ARID5B: variants seen among roughly 807,000 people sequenced by gnomAD.
ARID5B encodes AT-rich interactive domain-containing protein 5B.
Under a neutral mutation model 97.2 loss-of-function variants are expected in ARID5B, and 13 were observed. The ratio of observed to expected loss-of-function variants is 0.13; its 90% confidence interval spans 0.09 to 0.21. The LOEUF is 0.21. ARID5B is among the 10% of genes least tolerant of loss of function. The probability of loss-of-function intolerance (pLI) is 1.00; values close to 1 mark genes in which losing one functional copy is unlikely to be tolerated. For missense variants in ARID5B, 1,210 were observed against 1,465.3 expected, an observed-to-expected ratio of 0.83 and a Z score of 2.84; for synonymous variants, 556 against 570.3, an observed-to-expected ratio of 0.97 and a Z score of 0.36.
In ARID5B at chr10:62,086,709, A is replaced by AAAAAAAAAAC. The variant is rs778821864; in HGVS notation, c.1398+812_1398+813insAAAAAACAAA. ...CCATCTCAAAAAAAAAAAAAAAAAA[A>AAAAAAAAAAC]AAATATCAGGCATGGTGGTGCCCCG... On this transcript the variant is annotated intron_variant, in intron 9 of 9. Coordinates refer to ENST00000279873, the MANE Select transcript of ARID5B (RefSeq NM_032199.3). Among the ~76,000 whole-genome samples the AAAAAAAAAAC allele has an allele frequency of 2.5e-4, 28 of 114,036 alleles. 1 individual carries two copies. Among genetic ancestry groups the AAAAAAAAAAC allele is most frequent in the Non-Finnish European group, 3.4e-4 (19 of 55,496 alleles). 74.8% of individuals were successfully genotyped at this position (114,036 alleles called of 152,430 possible).
chr10:61,917,302 T>A (rs1843926703), intron 2 of ARID5B, among the ~76,000 whole-genome samples: 2 of 152,140 alleles, frequency 1.3e-5, no homozygotes, highest in Non-Finnish European at 2.9e-5. Context: ...GATTTTCATG[T>A]GATTTTAGTT....
intron 8 of ARID5B, among the ~76,000 whole-genome samples, chr10:62,085,394 C>T (rs1008302803): frequency 6.6e-6 from 1 of 152,192 alleles, no homozygotes; most frequent in African/African-American, 2.4e-5. Context: ...TTTGTTAGCA[C>T]TTAGCCAGGT....
intron 4 of ARID5B, among the ~76,000 whole-genome samples, chr10:62,032,391 A>G (rs1302832169): frequency 2.0e-5 from 3 of 152,156 alleles, no homozygotes; most frequent in Non-Finnish European, 4.4e-5. Context: ...TGCTACCCCA[A>G]CTGGACTAGC....
intron 3 of ARID5B, among the ~76,000 whole-genome samples, chr10:61,958,340 A>G (rs370275673): frequency 1.3e-5 from 2 of 151,890 alleles, no homozygotes; most frequent in Admixed American, 6.6e-5. Flanking sequence ...AGCAATTTTT[A>G]TCCTCAGCCT....
At chr10:62,038,777 CTT>C (rs963893731) in intron 4 of ARID5B, among the ~76,000 whole-genome samples, 4 of 152,166 alleles carry the variant, frequency 2.6e-5, no homozygotes, top group Non-Finnish European at 5.9e-5. Context: ...GGAGTAAACT[CTT>C]TTGTTAGTTT....
intron 4 of ARID5B, among the ~76,000 whole-genome samples, chr10:62,041,442 T>C (rs1369587259): frequency 6.6e-6 from 1 of 152,202 alleles, no homozygotes; most frequent in Non-Finnish European, 1.5e-5. Flanking sequence ...AGTAAAAGAC[T>C]ATCCTACTAT....
At chr10:61,932,131 C>A (rs1247856152) in intron 2 of ARID5B, among the ~76,000 whole-genome samples, 1 of 152,144 alleles carries the variant, frequency 6.6e-6, no homozygotes, top group Non-Finnish European at 1.5e-5. Context: ...AGTCACATGA[C>A]TGTTTTGGTT....
At chr10:62,055,612 C>T (rs990036535) in intron 5 of ARID5B, among the ~76,000 whole-genome samples, 1 of 152,138 alleles carries the variant, frequency 6.6e-6, no homozygotes, top group Admixed American at 6.6e-5. Context: ...GGGATGTTCG[C>T]CTTCATATAA....
At chr10:61,920,789 G>T (rs1305157791) in intron 2 of ARID5B, among the ~76,000 whole-genome samples, 1 of 152,066 alleles carries the variant, frequency 6.6e-6, no homozygotes, top group African/African-American at 2.4e-5. Context: ...ATGTACCAGG[G>T]TACTATGGGG....
chr10:62,026,075 T>C (rs997237751), intron 4 of ARID5B, among the ~76,000 whole-genome samples: 37 of 152,354 alleles, frequency 2.4e-4, no homozygotes, highest in African/African-American at 8.4e-4. Context: ...TACCACCCTC[T>C]TTCACTCTTT....
chr10:61,962,029 G>A (rs903680293), intron 3 of ARID5B, among the ~76,000 whole-genome samples: 5 of 152,216 alleles, frequency 3.3e-5, no homozygotes, highest in Non-Finnish European at 5.9e-5. Flanking sequence ...GATTACAGGC[G>A]TGAGCCATCG....
chr10:61,930,701 C>T (rs572111476), intron 2 of ARID5B, among the ~76,000 whole-genome samples: 1 of 124,928 alleles, frequency 8.0e-6, no homozygotes, highest in East Asian at 2.1e-4. Flanking sequence ...GCCTGGGCGA[C>T]AGAGCGAGAC....
chr10:61,952,497 C>T (rs1203370803), intron 3 of ARID5B, among the ~76,000 whole-genome samples: 1 of 152,230 alleles, frequency 6.6e-6, no homozygotes, highest in Non-Finnish European at 1.5e-5. Flanking sequence ...TGTTAGCACT[C>T]AGACATCAAA....
chr10:61,999,796 G>A (rs1254691808), intron 3 of ARID5B, among the ~76,000 whole-genome samples: 2 of 152,092 alleles, frequency 1.3e-5, no homozygotes, highest in East Asian at 1.9e-4. Flanking sequence ...TTTCAAAACA[G>A]TTTTTGGGTC....
At position 61,940,248 on chromosome 10, in the gene ARID5B, T is replaced by G. The variant is rs200756363; in HGVS notation, c.342T>G (p.His114Gln). The part of the protein sequence containing the change: ...VKLEDLVKWV[H>Q]SDFSKWRCGF... ...TTGAAGACCTGGTCAAGTGGGTACA[T>G]TCTGATTTCTCCAAGTGGAGATGTG... The change falls in exon 3 of 10, where the codon CAT becomes CAG. Residue 114 changes from histidine (H) to glutamine (Q), a missense_variant. By Grantham distance (24) the His-to-Gln change is conservative (BLOSUM62 0). Coordinates refer to ENST00000279873, the MANE Select transcript of ARID5B (RefSeq NM_032199.3). 7.5e-5 allele frequency: 121 copies of G among 1,614,112 alleles called. No homozygotes were observed. The highest frequency in any genetic ancestry group is 4.4e-5 in the Non-Finnish European group (52 of 1,180,038).
At chr10:61,963,809 A>G (rs1222548146) in intron 3 of ARID5B, among the ~76,000 whole-genome samples, 2 of 151,718 alleles carry the variant, frequency 1.3e-5, no homozygotes, top group African/African-American at 2.4e-5. Flanking sequence ...TGCAGTTACT[A>G]TAGTTGTACC....
chr10:61,933,214 A>G (rs1844243575), intron 2 of ARID5B, among the ~76,000 whole-genome samples: 1 of 152,258 alleles, frequency 6.6e-6, no homozygotes, highest in South Asian at 2.1e-4. Context: ...ATGAGATTGC[A>G]GCAATTCATT....
At chr10:62,002,406 C>A (rs760158622) in intron 4 of ARID5B, among the ~76,000 whole-genome samples, 82 of 152,088 alleles carry the variant, frequency 5.4e-4, no homozygotes, top group Non-Finnish European at 1.1e-3. Flanking sequence ...AATAAAGGTA[C>A]CTTTAGAGAC....
chr10:61,970,972 A>AGTGTGTGTGTGT (rs55961997), intron 3 of ARID5B, among the ~76,000 whole-genome samples: 47 of 150,308 alleles, frequency 3.1e-4, no homozygotes, highest in African/African-American at 1.0e-3. Flanking sequence ...TTGCTTTTAA[A>AGTGTGTGTGTGT]GTGTGTGTGT....
Sources: gnomAD v4.1 joint callset for allele counts (sites outside exome capture counted in the v4.1 genomes callset) on GRCh38, gnomAD v4.1.1 for gene constraint, MANE v1.5 for transcripts, NCBI Gene and HGNC (gene_info 2026-07-23, HGNC 2026-07-21) for gene names.